The following PTGER3 variants were observed in gnomAD, a reference collection of about 807,000 sequenced individuals.
The protein encoded by PTGER3 is prostaglandin E receptor 3, also known as prostaglandin E2 receptor EP3 subtype.
A neutral mutation model predicts 34.7 loss-of-function variants in PTGER3; 22 were observed. That is an observed-to-expected ratio of 0.63 (90% CI 0.45 to 0.91). The LOEUF is 0.91. PTGER3 is among the 40% of genes least tolerant of loss of function. PTGER3 has a pLI of 0.00. For missense variants in PTGER3, 468 were observed against 519.4 expected, an observed-to-expected ratio of 0.90 and a Z score of 0.96; for synonymous variants, 241 against 230.1, an observed-to-expected ratio of 1.05 and a Z score of -0.43.
At chr1:71,007,485 G>C (rs1572914800) in intron 2 of PTGER3, 1 of 985,302 alleles carries the variant, frequency 1.0e-6, no homozygotes, top group Non-Finnish European at 1.2e-6. Flanking sequence ...TGATGCTCAA[G>C]TGTTCAAAGA....
At chr1:70,877,987 C>T (rs976026851) in intron 4 of PTGER3, among the ~76,000 whole-genome samples, 1 of 151,966 alleles carries the variant, frequency 6.6e-6, no homozygotes, top group Non-Finnish European at 1.5e-5. Context: ...GGAGTCCCTC[C>T]CCCTCAGTTT....
chr1:70,996,639 T>TTTTTTTATTTATTTATTTA (rs774610328), intron 2 of PTGER3, among the ~76,000 whole-genome samples: 6 of 122,748 alleles, frequency 4.9e-5, no homozygotes, highest in African/African-American at 1.8e-4. Context: ...TTTTTTGTAT[T>TTTTTTTATTTATTTATTTA]TTTATTTATT....
intron 1 of PTGER3, among the ~76,000 whole-genome samples, chr1:71,039,511 G>A (rs773213736): frequency 1.3e-5 from 2 of 151,696 alleles, no homozygotes; most frequent in Non-Finnish European, 1.5e-5. Flanking sequence ...TTAGCCGGGT[G>A]TGGTGGTGGG....
At chr1:70,981,309 TTCC>T (rs879878624) in intron 2 of PTGER3, among the ~76,000 whole-genome samples, 14,959 of 96,018 alleles carry the variant, frequency 0.16, 2,330 homozygotes, top group Middle Eastern at 0.22. Flanking sequence ...CCTTCCTTCC[TTCC>T]TTCCTTTCTT....
At chr1:71,001,965 A>G (rs1656532817) in intron 2 of PTGER3, among the ~76,000 whole-genome samples, 1 of 152,222 alleles carries the variant, frequency 6.6e-6, no homozygotes, top group African/African-American at 2.4e-5. Context: ...TAGCACTTTC[A>G]AGTGTCTTTA....
At chr1:70,944,719 CTGAA>C (rs541836724) in intron 4 of PTGER3, among the ~76,000 whole-genome samples, 75 of 152,182 alleles carry the variant, frequency 4.9e-4, no homozygotes, top group African/African-American at 1.8e-3. Context: ...TCTGCTGAGA[CTGAA>C]TGAAGATGAA....
At chr1:70,934,961 C>T (rs543840565) in intron 4 of PTGER3, among the ~76,000 whole-genome samples, 10 of 152,244 alleles carry the variant, frequency 6.6e-5, no homozygotes, top group Non-Finnish European at 1.0e-4. Flanking sequence ...CCTTTTGGCC[C>T]TTCAAGGTAA....
At chr1:70,888,192 C>G (rs948717272) in intron 4 of PTGER3, among the ~76,000 whole-genome samples, 1 of 152,118 alleles carries the variant, frequency 6.6e-6, no homozygotes, top group Non-Finnish European at 1.5e-5. Flanking sequence ...TTGCAATAGG[C>G]ACCTCACAAT....
At chr1:70,959,108 T>C (rs116237651) in intron 2 of PTGER3, among the ~76,000 whole-genome samples, 1,794 of 152,328 alleles carry the variant, frequency 0.012, 21 homozygotes, top group Non-Finnish European at 0.017. Flanking sequence ...GATAGTGTGA[T>C]GCATCTAGCT....
At chr1:70,878,613 T>C (rs1415715914) in intron 4 of PTGER3, among the ~76,000 whole-genome samples, 1 of 152,180 alleles carries the variant, frequency 6.6e-6, no homozygotes. Flanking sequence ...TTTAATGCCA[T>C]AAACTTCCCC....
At chr1:70,895,612 C>T (rs971387115) in intron 4 of PTGER3, among the ~76,000 whole-genome samples, 1 of 152,208 alleles carries the variant, frequency 6.6e-6, no homozygotes, top group East Asian at 1.9e-4. Flanking sequence ...GAATGCCTGG[C>T]TCAGTCCCTG....
At position 70,928,330 on chromosome 1, in the gene PTGER3, TA is replaced by T. The variant is rs1216477829; in HGVS notation, c.*23+25432del. On this transcript the variant is annotated intron_variant, in intron 4 of 4. Transcript: ENST00000370931. ...TTGATTACAAAAAAAAAAAGTGGGTTAGGGGGAAGAAATGAAGAGGAAGCTG... is the reference window on the plus strand; with the variant it reads ...TTGATTACAAAAAAAAAAAGTGGGTTGGGGGAAGAAATGAAGAGGAAGCTG... Among the ~76,000 whole-genome samples, 21 of 148,214 alleles carry T rather than the reference TA, an allele frequency of 1.4e-4. No individual in the cohort carries two copies. The East Asian group carries it at 1.6e-3, about 11-fold the overall frequency.
chr1:70,987,322 G>A (rs1271796946), intron 2 of PTGER3, among the ~76,000 whole-genome samples: 1 of 152,164 alleles, frequency 6.6e-6, no homozygotes, highest in Non-Finnish European at 1.5e-5. Flanking sequence ...TATAAGTTAT[G>A]TTTTGTTGTA....
chr1:71,047,657 G>C lies in PTGER3; in HGVS notation c.-80C>G, dbSNP rs1280562705. On this transcript the variant is annotated 5_prime_UTR_variant, in exon 1 of 4. Coordinates refer to ENST00000306666, the MANE Select transcript of PTGER3 (RefSeq NM_198719.2). ...CAGACGCGGCGCGGGCGGCGGCGGAGGTCGGCGTTTACCGCGGCTGGGGCT... is the reference window on the plus strand; with the variant it reads ...CAGACGCGGCGCGGGCGGCGGCGGACGTCGGCGTTTACCGCGGCTGGGGCT... 2.6e-5 allele frequency: 37 copies of C among 1,433,228 alleles called. No individual in the cohort carries two copies. Among genetic ancestry groups the C allele is most frequent in the Non-Finnish European group, 3.1e-5 (34 of 1,084,472 alleles). 88.8% of individuals were successfully genotyped at this position (1,433,228 alleles called of 1,614,324 possible). A position where few individuals can be genotyped will look rare whatever the true frequency, so the allele number is the denominator to read the frequency against.
chr1:71,039,106 G>A (rs1249573942), intron 1 of PTGER3, among the ~76,000 whole-genome samples: 3 of 152,168 alleles, frequency 2.0e-5, no homozygotes, highest in Non-Finnish European at 4.4e-5. Flanking sequence ...CTGTTCAGGT[G>A]GGGAGGGGAA....
At chr1:70,900,547 T>C (rs980892960) in intron 4 of PTGER3, among the ~76,000 whole-genome samples, 3 of 152,214 alleles carry the variant, frequency 2.0e-5, no homozygotes, top group Non-Finnish European at 4.4e-5. Flanking sequence ...AAATGATGAA[T>C]TTAGAGCGGA....
Position 71,028,236 on chromosome 1 carries a change from GT to G in PTGER3, c.898-15753del, listed in dbSNP as rs139844880. 7.0e-3 allele frequency among the ~76,000 whole-genome samples: 1,069 copies of G among 152,102 alleles called. 16 individuals are homozygous for G. The highest frequency in any genetic ancestry group is 0.025 in the African/African-American group (1,030 of 41,412). On this transcript the variant is annotated intron_variant, in intron 1 of 3. Coordinates refer to ENST00000306666, the MANE Select transcript of PTGER3 (RefSeq NM_198719.2). Reference sequence around the variant, plus strand: ...GCTAATGAGATCCAACAGTTTCCTCGTTTTTAAGAGAAAGTCATAGAAAAAC... The same window carrying G: ...GCTAATGAGATCCAACAGTTTCCTCGTTTTAAGAGAAAGTCATAGAAAAAC...
At chr1:70,909,410 T>C (rs1647016756) in intron 4 of PTGER3, among the ~76,000 whole-genome samples, 2 of 152,220 alleles carry the variant, frequency 1.3e-5, no homozygotes, top group African/African-American at 4.8e-5. Context: ...TATATTACTC[T>C]TTCAAAAAGC....
At chr1:70,870,613 AG>A (rs1646142139) in intron 4 of PTGER3, among the ~76,000 whole-genome samples, 1 of 152,224 alleles carries the variant, frequency 6.6e-6, no homozygotes, top group African/African-American at 2.4e-5. Context: ...ATCTGAACAT[AG>A]GCTGTTAGAA....
Sources: allele counts gnomAD v4.1 joint callset (sites outside exome capture counted in the v4.1 genomes callset), GRCh38; gene constraint gnomAD v4.1.1; transcripts MANE v1.5; gene names NCBI Gene and HGNC (gene_info 2026-07-23, HGNC 2026-07-21).